Variants in NAA25 observed in about 807,000 individuals in gnomAD.
The protein encoded by NAA25 is N-terminal acetyltransferase B complex subunit NAA25.
In NAA25, 30 loss-of-function variants were observed where a neutral mutation model predicts 132.5. The observed-to-expected ratio is 0.23, with a 90% CI of 0.17 to 0.31. The LOEUF is 0.31. NAA25 is among the 10% of genes least tolerant of loss of function. NAA25 has a pLI of 1.00. For synonymous variants in NAA25, 359 were observed against 401.9 expected (o/e 0.89, Z 1.28); for missense variants, 771 against 1,150.4 (o/e 0.67, Z 4.77).
intron 4 of NAA25, among the ~76,000 whole-genome samples, chr12:112,081,880 C>T (rs948042058): frequency 6.6e-6 from 1 of 152,184 alleles, no homozygotes; most frequent in African/African-American, 2.4e-5. Flanking sequence ...TCAAAGATCG[C>T]GTCCCTGTCC....
At chr12:112,090,477 GGGT>G in intron 3 of NAA25, 1 of 340,006 alleles carries the variant, frequency 2.9e-6, no homozygotes. Flanking sequence ...GTGAAAATAA[GGGT>G]GAAGCCTCCA....
chr12:112,031,999 T>C (rs916473333), intron 23 of NAA25, among the ~76,000 whole-genome samples: 1 of 151,834 alleles, frequency 6.6e-6, no homozygotes, highest in African/African-American at 2.4e-5. Context: ...AGTCTCATTC[T>C]GTCACCCAGG....
chr12:112,089,354 A>G (rs1281611897), intron 3 of NAA25, among the ~76,000 whole-genome samples: 1 of 152,230 alleles, frequency 6.6e-6, no homozygotes, highest in Non-Finnish European at 1.5e-5. Context: ...ATCAGAACTC[A>G]AAAACTGCTA....
intron 15 of NAA25, among the ~76,000 whole-genome samples, chr12:112,052,911 A>T (rs944352124): frequency 1.3e-5 from 2 of 152,228 alleles, no homozygotes; most frequent in Non-Finnish European, 2.9e-5. Context: ...GCAGTTTTTT[A>T]TAATTGGTCA....
At chr12:112,065,563 T>G (rs2136870318) in intron 11 of NAA25, 1 of 151,050 alleles carries the variant, frequency 6.6e-6, no homozygotes, top group South Asian at 2.1e-4. Flanking sequence ...CTGGGGAGGC[T>G]GAGGCAGGAG....
intron 4 of NAA25, among the ~76,000 whole-genome samples, chr12:112,084,595 C>T (rs1179991804): frequency 6.6e-6 from 1 of 151,350 alleles, no homozygotes; most frequent in African/African-American, 2.4e-5. Context: ...TCGAGACCAG[C>T]CTGGCCAGCA....
At chr12:112,086,759 CCCA>C (rs1177249245) in intron 4 of NAA25, among the ~76,000 whole-genome samples, 7 of 152,004 alleles carry the variant, frequency 4.6e-5, no homozygotes, top group Admixed American at 4.6e-4. Context: ...TGCCTGTAAT[CCCA>C]CCACTTTGAG....
intron 4 of NAA25, among the ~76,000 whole-genome samples, chr12:112,082,920 T>C (rs2078994389): frequency 6.6e-6 from 1 of 152,102 alleles, no homozygotes; most frequent in Non-Finnish European, 1.5e-5. Context: ...AGTAAAGGGA[T>C]GTATGCTGAT....
At chr12:112,057,218 CATAAAATAAA>C (rs569702126) in intron 13 of NAA25, among the ~76,000 whole-genome samples, 6 of 151,928 alleles carry the variant, frequency 3.9e-5, no homozygotes, top group Admixed American at 2.0e-4. Context: ...AATAAAATAA[CATAAAATAAA>C]ATAAAATAAA....
At chr12:112,070,742 ATTT>A (rs1463006506) in intron 10 of NAA25, among the ~76,000 whole-genome samples, 1 of 151,034 alleles carries the variant, frequency 6.6e-6, no homozygotes, top group Non-Finnish European at 1.5e-5. Context: ...CGCTCAGATA[ATTT>A]TTTGTTTTTG....
chr12:112,108,724 G>A lies in NAA25; in HGVS notation c.50C>T (p.Pro17Leu). Reference sequence around the variant, plus strand: ...TGGTCCAAGACACTCACCGTAAATGGGCCGGAGGCGCCTGTCGTTAGGGTC... The same window carrying A: ...TGGTCCAAGACACTCACCGTAAATGAGCCGGAGGCGCCTGTCGTTAGGGTC... ...VQDPNDRRLRPIYDYLDNGNN... is the reference protein window; with the variant it reads ...VQDPNDRRLRLIYDYLDNGNN... Residue 17 changes from proline to leucine, a missense_variant, in exon 1 of 24, where the codon CCC (proline) becomes CTC (leucine). Around this residue, in one of 3 missense-constraint regions of NAA25, gnomAD observed 417 missense variants for 733.8 expected, o/e 0.57. Transcript: ENST00000261745. 1 of 1,529,016 alleles carries A rather than the reference G, an allele frequency of 6.5e-7. No homozygotes were observed. The highest frequency in any genetic ancestry group is 8.8e-7 in the Non-Finnish European group (1 of 1,135,946). 94.7% of individuals were successfully genotyped at this position (1,529,016 alleles called of 1,614,324 possible).
intron 1 of NAA25, among the ~76,000 whole-genome samples, chr12:112,103,982 C>A (rs534355946): frequency 6.6e-6 from 1 of 152,226 alleles, no homozygotes; most frequent in African/African-American, 2.4e-5. Context: ...TCCTACTGTG[C>A]GGCCCATTTC....
chr12:112,096,258 T>C (rs1566034225), intron 1 of NAA25, among the ~76,000 whole-genome samples: 2 of 152,166 alleles, frequency 1.3e-5, no homozygotes, highest in South Asian at 2.1e-4. Flanking sequence ...ATTCTAAATA[T>C]ACAATGATGA....
chr12:112,034,141 C>T (rs2078190300), intron 22 of NAA25: 1 of 152,098 alleles, frequency 6.6e-6, no homozygotes. Flanking sequence ...TATGCATATA[C>T]ATTTATTAAC....
intron 11 of NAA25, among the ~76,000 whole-genome samples, chr12:112,068,114 C>T (rs1375626626): frequency 1.3e-5 from 2 of 152,126 alleles, no homozygotes; most frequent in Non-Finnish European, 2.9e-5. Flanking sequence ...TTACAGCTCA[C>T]TGCAGCCTCG....
chr12:112,074,839 C>T, intron 8 of NAA25, 75 bp from the exon 9 acceptor site: 1 of 993,600 alleles, frequency 1.0e-6, no homozygotes, highest in East Asian at 2.5e-5. Context: ...CCATGATATT[C>T]AATTTATTTT....
rs2078626171 is a variant in NAA25 at position 112,061,248 on chromosome 12, C to T, written c.1290G>A (p.Met430Ile). ...CCACACTCAATTTCTGATTTTTATC[C>T]ATGGTGTGGTACAAGCCAAGTAACC... is the stretch of plus-strand genomic sequence containing the variant. ...LTRLLGLYHT[M>I]DKNQKLSVVR... Residue 430 changes from methionine to isoleucine, a missense_variant, in exon 12 of 24, where the codon ATG (methionine) becomes ATA (isoleucine). Coordinates refer to ENST00000261745, the MANE Select transcript of NAA25 (RefSeq NM_024953.4). The T allele has an allele frequency of 6.2e-7, 1 of 1,613,916 alleles. No individual in the cohort carries two copies. Among genetic ancestry groups the T allele is most frequent in the Non-Finnish European group, 8.5e-7 (1 of 1,180,022 alleles).
At position 112,086,073 on chromosome 12, in the gene NAA25, T is replaced by TATATATATATATATACATACACACACAC. The variant is rs759148501; in HGVS notation, c.402+1609_402+1610insGTGTGTGTGTATGTATATATATATATAT. Reference sequence around the variant, plus strand: ...AAAAATATATATATATATATATATATACACACACACACACACACACACACA... The same window carrying TATATATATATATATACATACACACACAC: ...AAAAATATATATATATATATATATATATATATATATATATACATACACACACACACACACACACACACACACACACACA... On this transcript the variant is annotated intron_variant, in intron 4 of 23. Transcript: ENST00000261745. 3.5e-4 allele frequency among the ~76,000 whole-genome samples: 19 copies of TATATATATATATATACATACACACACAC among 53,984 alleles called. 1 individual carries two copies. The highest frequency in any genetic ancestry group is 1.9e-3 in the African/African-American group (16 of 8,310). 35.4% of individuals were successfully genotyped at this position (53,984 alleles called of 152,430 possible). A position where few individuals can be genotyped will look rare whatever the true frequency, so the allele number is the denominator to read the frequency against.
chr12:112,064,389 C>T (rs2136867717), intron 11 of NAA25: 1 of 152,238 alleles, frequency 6.6e-6, no homozygotes, highest in Admixed American at 6.5e-5. Context: ...CACCACCACA[C>T]CTGGCTAATT....
Sources: gnomAD v4.1 joint callset for allele counts (sites outside exome capture counted in the v4.1 genomes callset) on GRCh38, gnomAD v4.1.1 for gene constraint, gnomAD v4.1.1 regional missense constraint, MANE v1.5 for transcripts, NCBI Gene and HGNC (gene_info 2026-07-23, HGNC 2026-07-21) for gene names.